ALDH1L2: variants seen among roughly 807,000 people sequenced by gnomAD.
ALDH1L2 encodes aldehyde dehydrogenase 1 family member L2.
Under a neutral mutation model 111.0 loss-of-function variants are expected in ALDH1L2, and 91 were observed. The observed-to-expected ratio is 0.82, with a 90% CI of 0.69 to 0.98. ALDH1L2 has a LOEUF of 0.98. ALDH1L2 is among the 50% of genes least tolerant of loss of function. ALDH1L2 has a pLI of 0.00. For missense variants in ALDH1L2, 995 were observed against 1,126.8 expected, an observed-to-expected ratio of 0.88 and a Z score of 1.67; for synonymous variants, 374 against 392.6, an observed-to-expected ratio of 0.95 and a Z score of 0.56.
At position 105,066,489 on chromosome 12, in the gene ALDH1L2, G is replaced by A; in HGVS notation, c.696+79C>T. ...GGCAAGCTGGCTTACCTTTTGGCAA[G>A]ATCATAGTATGTGGGGAACTACTGA... On this transcript the variant is annotated intron_variant, in intron 5 of 22. Transcript: ENST00000258494. 3 of 1,376,634 alleles carry A rather than the reference G, an allele frequency of 2.2e-6. No individual in the cohort carries two copies. In the Admixed American group the frequency reaches 5.8e-5, roughly 26 times the overall value. The allele number at this position is 1,376,634 out of a possible 1,614,324, so 85.3% of individuals were successfully genotyped here.
In ALDH1L2 at chr12:105,031,778, G is replaced by A; in HGVS notation, c.2401C>T (p.Gln801Ter). The change falls in exon 20 of 23, where the codon CAA becomes TAA. Residue 801 changes from glutamine (Q) to a stop codon, truncating the protein, a stop_gained. Transcript: ENST00000258494. LOFTEE classifies it high-confidence loss of function. ...ATLVYGGRQV[Q>*]RPGFFMEPTV... ...ACAGAGGTGATCTTACCTGGCCTTTGGACTTGTCTTCCCCCGTACACCAAA... is the reference window on the plus strand; with the variant it reads ...ACAGAGGTGATCTTACCTGGCCTTTAGACTTGTCTTCCCCCGTACACCAAA... The A allele has an allele frequency of 1.9e-6, 3 of 1,614,064 alleles. No homozygotes were observed. The highest frequency in any genetic ancestry group is 2.5e-6 in the Non-Finnish European group (3 of 1,179,978).
Position 105,034,313 on chromosome 12 carries a change from A to G in ALDH1L2, c.2231T>C (p.Phe744Ser). The G allele has an allele frequency of 6.2e-7, 1 of 1,613,872 alleles. No individual in the cohort carries two copies. The highest frequency in any genetic ancestry group is 8.5e-7 in the Non-Finnish European group (1 of 1,179,906). The change falls in exon 19 of 23, where the codon TTT becomes TCT. Residue 744 changes from phenylalanine (F) to serine (S), a missense_variant. Physicochemically the swap from Phe to Ser is radical, Grantham distance 155. Transcript: ENST00000258494. Reference protein sequence around the residue: ...LFVEESIHDEFVTRVVEEIKK... With the variant: ...LFVEESIHDESVTRVVEEIKK... ...AAGGTGCCTCACCACTCTTGTCACAAATTCGTCGTGGATGGATTCTTCCAC... is the reference window on the plus strand; with the variant it reads ...AAGGTGCCTCACCACTCTTGTCACAGATTCGTCGTGGATGGATTCTTCCAC...
chr12:105,042,307 C>A (rs1420091786), intron 15 of ALDH1L2, among the ~76,000 whole-genome samples: 1 of 152,204 alleles, frequency 6.6e-6, no homozygotes, highest in Non-Finnish European at 1.5e-5. Flanking sequence ...TACTTATTTG[C>A]TTAATCCTAA....
Position 105,065,358 on chromosome 12 carries a change from T to A in ALDH1L2, c.697-2A>T. On this transcript the variant is annotated splice_acceptor_variant, in intron 5 of 22. Transcript: ENST00000258494. LOFTEE classifies it high-confidence loss of function. ...TTCGGCAGACTGGTCCCAAGAAATC[T>A]AGGAAGGCACAAAATACAGGCTGAG... 6.2e-7 allele frequency: 1 copy of A among 1,610,630 alleles called. No homozygotes were observed. Among genetic ancestry groups the A allele is most frequent in the South Asian group, 1.1e-5 (1 of 91,048 alleles).
intron 1 of ALDH1L2, among the ~76,000 whole-genome samples, chr12:105,084,126 C>A (rs775261111): frequency 1.3e-5 from 2 of 152,148 alleles, no homozygotes; most frequent in Non-Finnish European, 2.9e-5. Flanking sequence ...AGACTTGACA[C>A]GTCCAAAAAC....
At chr12:105,070,040 G>A (rs1050910290) in intron 3 of ALDH1L2, among the ~76,000 whole-genome samples, 1 of 152,154 alleles carries the variant, frequency 6.6e-6, no homozygotes, top group Non-Finnish European at 1.5e-5. Flanking sequence ...AAGTTCTGTG[G>A]TCAAATAAGT....
intron 1 of ALDH1L2, among the ~76,000 whole-genome samples, chr12:105,077,354 T>A (rs1878106515): frequency 6.6e-6 from 1 of 151,426 alleles, no homozygotes; most frequent in Admixed American, 6.6e-5. Context: ...CACTGCAACC[T>A]CCGCCTTCCG....
chr12:105,020,545 A>T lies in ALDH1L2; in HGVS notation c.*3879T>A, dbSNP rs1874110661. The T allele has an allele frequency of 6.6e-6, 1 of 152,252 alleles. No individual in the cohort carries two copies. The highest frequency in any genetic ancestry group is 6.5e-5 in the Admixed American group (1 of 15,288). 9.4% of individuals were successfully genotyped at this position (152,252 alleles called of 1,614,324 possible). A position where few individuals can be genotyped will look rare whatever the true frequency, so the allele number is the denominator to read the frequency against. ...GTATTAAAACAAGTACCTGTTCATG[A>T]AACTTACATTCTAATGGGAAAAGAT... is the stretch of plus-strand genomic sequence containing the variant. On this transcript the variant is annotated 3_prime_UTR_variant, in exon 23 of 23. Transcript: ENST00000258494.
chr12:105,031,874 G>T lies in ALDH1L2; in HGVS notation c.2305C>A (p.Pro769Thr). 1 of 1,614,056 alleles carries T rather than the reference G, an allele frequency of 6.2e-7. No homozygotes were observed. Among genetic ancestry groups the T allele is most frequent in the Non-Finnish European group, 8.5e-7 (1 of 1,180,018 alleles). The part of the protein sequence containing the change: ...DPLDRSTDHG[P>T]QNHKAHLEKL... ...TCCAGATGAGCCTTATGATTTTGGG[G>T]CCCATGATCAGTGGATCTGTCAAGT... The change falls in exon 20 of 23, where the codon CCC becomes ACC. Residue 769 changes from proline to threonine, a missense_variant. Physicochemically the swap from Pro to Thr is conservative, Grantham distance 38. Transcript: ENST00000258494.
intron 1 of ALDH1L2, among the ~76,000 whole-genome samples, chr12:105,077,572 C>T (rs375210540): frequency 1.3e-5 from 2 of 151,980 alleles, no homozygotes; most frequent in Admixed American, 6.6e-5. Flanking sequence ...AGCCACCACG[C>T]CCGACCTTGT....
chr12:105,061,898 G>A (rs1252701722), intron 7 of ALDH1L2, 146 bp from the exon 8 acceptor site: 2 of 972,784 alleles, frequency 2.1e-6, no homozygotes, highest in Non-Finnish European at 3.0e-6. Context: ...ACCATTATGT[G>A]TAAAAGGGCT....
rs1876482075 is a variant in ALDH1L2 at position 105,054,323 on chromosome 12, C to G, written c.1288-1392G>C. ...CAGGAAAGTAAGGACCTCTGAAAAT[C>G]CACTCCTTCATAAAAGCAATGAGAA... On this transcript the variant is annotated intron_variant, in intron 10 of 22. Coordinates refer to ENST00000258494, the MANE Select transcript of ALDH1L2 (RefSeq NM_001034173.4). Among the ~76,000 whole-genome samples, 3 of 152,166 alleles carry G rather than the reference C, an allele frequency of 2.0e-5. 1 individual carries two copies. In the South Asian group the frequency reaches 6.2e-4, roughly 32 times the overall value.
intron 15 of ALDH1L2, among the ~76,000 whole-genome samples, chr12:105,046,166 T>TCC: frequency 3.9e-5 from 1 of 25,696 alleles, no homozygotes; most frequent in Non-Finnish European, 6.7e-5. Context: ...TCTCTCTCTC[T>TCC]CTCTCTCTCT....
chr12:105,077,476 A>G (rs1475931111), intron 1 of ALDH1L2, among the ~76,000 whole-genome samples: 1 of 150,136 alleles, frequency 6.7e-6, no homozygotes, highest in African/African-American at 2.5e-5. Context: ...ATGGGGTTTC[A>G]TCGTGTTGCC....
intron 20 of ALDH1L2, among the ~76,000 whole-genome samples, chr12:105,031,385 T>G (rs1211113037): frequency 6.6e-6 from 1 of 152,238 alleles, no homozygotes; most frequent in Non-Finnish European, 1.5e-5. Context: ...GCTTAAGCTT[T>G]TTTGGCAGGA....
In ALDH1L2 at chr12:105,035,982, TTA is replaced by T. The variant is rs1250427779; in HGVS notation, c.2146-1586_2146-1585del. On this transcript the variant is annotated intron_variant, in intron 18 of 22. Transcript: ENST00000258494. The stretch of plus-strand genomic sequence containing the variant: ...ACGTATATTTATATGTGTATATATA[TTA>T]TATATATACGTATATTTATATATGT... 9.0e-3 allele frequency among the ~76,000 whole-genome samples: 959 copies of T among 107,132 alleles called. 48 individuals are homozygous for T. Among genetic ancestry groups the T allele is most frequent in the African/African-American group, 0.021 (459 of 21,890 alleles). 70.3% of individuals were successfully genotyped at this position (107,132 alleles called of 152,430 possible).
intron 9 of ALDH1L2, chr12:105,060,478 T>A (rs2136088681): frequency 6.6e-6 from 1 of 152,270 alleles, no homozygotes; most frequent in Non-Finnish European, 1.5e-5. Flanking sequence ...CAAAGAGAAC[T>A]AAACGGATAT....
intron 20 of ALDH1L2, among the ~76,000 whole-genome samples, chr12:105,031,542 T>A (rs1168865133): frequency 6.6e-6 from 1 of 152,162 alleles, no homozygotes; most frequent in African/African-American, 2.4e-5. Context: ...GTGCAGTGGC[T>A]TGATCTCAGC....
In ALDH1L2 at chr12:105,073,856, C is replaced by T. The variant is rs746286211; in HGVS notation, c.193+5G>A. On this transcript the variant is annotated splice_donor_5th_base_variant and intron_variant, in intron 2 of 22. Transcript: ENST00000258494. ...CTTGACCCAGTCATCCCAAGATGCA[C>T]TCACCCAGAGGGTCAGCTTTTCCAT... 3.1e-6 allele frequency: 5 copies of T among 1,613,852 alleles called. No individual in the cohort carries two copies. Among genetic ancestry groups the T allele is most frequent in the South Asian group, 1.1e-5 (1 of 91,054 alleles).
Sources: allele counts gnomAD v4.1 joint callset (sites outside exome capture counted in the v4.1 genomes callset), GRCh38; gene constraint gnomAD v4.1.1; transcripts MANE v1.5; gene names NCBI Gene and HGNC (gene_info 2026-07-23, HGNC 2026-07-21).